Variants in BRDT observed in about 807,000 individuals in gnomAD.
BRDT encodes the protein bromodomain testis associated.
Under a neutral mutation model 113.9 loss-of-function variants are expected in BRDT, and 77 were observed. The ratio of observed to expected loss-of-function variants is 0.68; its 90% CI spans 0.56 to 0.82. The LOEUF is 0.82. Among genes scored for constraint, BRDT ranks in the 40% least tolerant of loss-of-function variants. The pLI, the probability that BRDT is intolerant of heterozygous loss-of-function variation, is 0.00. For missense variants in BRDT, 1,027 were observed against 1,105.4 expected, an observed-to-expected ratio of 0.93 and a Z score of 1.01; for synonymous variants, 358 against 366.5, an observed-to-expected ratio of 0.98 and a Z score of 0.26.
Position 91,976,250 on chromosome 1 carries a change from G to A in BRDT, c.446-16G>A. On this transcript the variant is annotated splice_polypyrimidine_tract_variant and intron_variant, in intron 4 of 18. Transcript: ENST00000399546. ...TTATTCATTCATATATTTGATTCTG[G>A]CTCATACTTTTCCAGGCACTCAACA... 4.5e-6 allele frequency: 7 copies of A among 1,566,970 alleles called. No individual in the cohort carries two copies. Among genetic ancestry groups the A allele is most frequent in the Non-Finnish European group, 6.0e-6 (7 of 1,161,316 alleles).
chr1:91,997,449 G>C (rs1460093129), intron 15 of BRDT, among the ~76,000 whole-genome samples: 1 of 152,154 alleles, frequency 6.6e-6, no homozygotes, highest in Non-Finnish European at 1.5e-5. Flanking sequence ...ACATTTGAAG[G>C]CTCATTATAA....
At chr1:91,956,041 C>A (rs1282216234) in intron 1 of BRDT, among the ~76,000 whole-genome samples, 3 of 152,158 alleles carry the variant, frequency 2.0e-5, no homozygotes, top group Non-Finnish European at 4.4e-5. Flanking sequence ...TTCTATATAG[C>A]CTTCCCACAG....
chr1:91,999,388 A>G (rs996271058), intron 15 of BRDT, among the ~76,000 whole-genome samples: 4 of 152,154 alleles, frequency 2.6e-5, no homozygotes, highest in Non-Finnish European at 4.4e-5. Flanking sequence ...AATATTTTTC[A>G]GAGAGTTGGA....
At chr1:91,978,730 G>T (rs1007514556) in intron 7 of BRDT, among the ~76,000 whole-genome samples, 2 of 152,122 alleles carry the variant, frequency 1.3e-5, no homozygotes, top group South Asian at 2.1e-4. Context: ...GCCCGGCGCG[G>T]TGGCTCACGC....
intron 6 of BRDT, 187 bp downstream of exon 6, chr1:91,977,580 A>C: frequency 2.0e-6 from 1 of 509,150 alleles, no homozygotes; most frequent in East Asian, 3.8e-5. Context: ...GAACATGTCC[A>C]TGGTTCTAGG....
chr1:92,003,501 A>C (rs544346547), intron 16 of BRDT, among the ~76,000 whole-genome samples: 4 of 152,278 alleles, frequency 2.6e-5, no homozygotes, highest in Admixed American at 2.6e-4. Context: ...ACATGTGGCT[A>C]ATTGAGCCCT....
chr1:92,004,756 C>T (rs1045615277), intron 17 of BRDT, 137 bp downstream of exon 17: 3 of 735,176 alleles, frequency 4.1e-6, no homozygotes, highest in Admixed American at 3.6e-5. Flanking sequence ...GCAAAAAGTA[C>T]ATTTGATACT....
intron 4 of BRDT, among the ~76,000 whole-genome samples, chr1:91,972,566 T>G (rs1683730197): frequency 6.6e-6 from 1 of 152,224 alleles, no homozygotes; most frequent in South Asian, 2.1e-4. Flanking sequence ...AGGCATGCAG[T>G]AAATATTTAC....
In BRDT at chr1:91,959,424, T is replaced by C. The variant is rs866661377; in HGVS notation, c.-37-3294T>C. On this transcript the variant is annotated intron_variant, in intron 1 of 18. Coordinates refer to ENST00000399546, the MANE Select transcript of BRDT (RefSeq NM_207189.4). Reference sequence around the variant, plus strand: ...CGATTTTTCTCTTTTTCTTTCTTTTTTTTTTTTTTTTTATTTTACAGGTGA... The same window carrying C: ...CGATTTTTCTCTTTTTCTTTCTTTTCTTTTTTTTTTTTATTTTACAGGTGA... 9.2e-3 allele frequency among the ~76,000 whole-genome samples: 1,395 copies of C among 150,996 alleles called. 17 individuals are homozygous for C. Among genetic ancestry groups the C allele is most frequent in the African/African-American group, 0.023 (951 of 41,280 alleles).
chr1:91,986,339 A>C (rs895377113), intron 12 of BRDT, among the ~76,000 whole-genome samples: 1 of 152,194 alleles, frequency 6.6e-6, no homozygotes, highest in Admixed American at 6.6e-5. Context: ...AATCAAAAGG[A>C]ACAGCTTATC....
intron 3 of BRDT, among the ~76,000 whole-genome samples, chr1:91,967,901 A>C (rs1253748338): frequency 1.3e-5 from 2 of 152,272 alleles, no homozygotes; most frequent in Middle Eastern, 3.4e-3. Flanking sequence ...AGTGTTCAGA[A>C]AGCCATTTGG....
At chr1:91,988,255 C>T (rs1347041556) in intron 12 of BRDT, among the ~76,000 whole-genome samples, 1 of 151,954 alleles carries the variant, frequency 6.6e-6, no homozygotes, top group South Asian at 2.1e-4. Flanking sequence ...AGAATATATG[C>T]CACAGTATGC....
intron 8 of BRDT, 31 bp from the exon 9 acceptor site, chr1:91,980,612 G>T: frequency 1.4e-6 from 2 of 1,407,944 alleles, no homozygotes; most frequent in East Asian, 2.6e-5. Flanking sequence ...TTAGAGACAT[G>T]AATGTTTACA....
chr1:91,950,460 C>G (rs539183059), intron 1 of BRDT: 3 of 152,730 alleles, frequency 2.0e-5, no homozygotes, highest in East Asian at 1.9e-4. Flanking sequence ...CCCGCTCCCC[C>G]CAAAAAAGAA....
chr1:91,992,230 T>C, intron 13 of BRDT, 34 bp from the exon 14 acceptor site: 2 of 1,144,706 alleles, frequency 1.7e-6, no homozygotes, highest in Non-Finnish European at 1.2e-6. Context: ...AGAGATAATA[T>C]GATTAATGCT....
chr1:91,985,188 C>T lies in BRDT; in HGVS notation c.2002+3433C>T, dbSNP rs945687038. Among the ~76,000 whole-genome samples the T allele has an allele frequency of 2.0e-5, 3 of 151,926 alleles. No homozygotes were observed. The East Asian group carries it at 5.8e-4, about 30-fold the overall frequency. ...CCTCCGACTCCCGGGTTCAAGCGAT[C>T]GAGTAGCTGGGACTACAGGAGCATG... is the stretch of plus-strand genomic sequence containing the variant. On this transcript the variant is annotated intron_variant, in intron 12 of 18. Transcript: ENST00000399546.
chr1:91,955,902 G>A (rs1430012289), intron 1 of BRDT, among the ~76,000 whole-genome samples: 1 of 152,168 alleles, frequency 6.6e-6, no homozygotes, highest in Non-Finnish European at 1.5e-5. Flanking sequence ...GTGCATTCAT[G>A]TTCAGGCCAT....
intron 18 of BRDT, among the ~76,000 whole-genome samples, chr1:92,011,392 T>C (rs12754722): frequency 0.2 from 30,993 of 152,160 alleles, 3,628 homozygotes; most frequent in Middle Eastern, 0.27. Flanking sequence ...ATGAACTCAA[T>C]TTTAAATAGA....
At chr1:92,009,477 C>T (rs1414259408) in intron 18 of BRDT, among the ~76,000 whole-genome samples, 1 of 151,654 alleles carries the variant, frequency 6.6e-6, no homozygotes, top group African/African-American at 2.4e-5. Context: ...ATCTTGGTTG[C>T]CTCCAACGTA....
Sources: allele counts gnomAD v4.1 joint callset (sites outside exome capture counted in the v4.1 genomes callset), GRCh38; gene constraint gnomAD v4.1.1; transcripts MANE v1.5; gene names NCBI Gene and HGNC (gene_info 2026-07-23, HGNC 2026-07-21).